PPP1R9A: variants seen among roughly 807,000 people sequenced by gnomAD.
PPP1R9A encodes neurabin-1.
Under a neutral mutation model 141.9 loss-of-function variants are expected in PPP1R9A, and 59 were observed. The ratio of observed to expected loss-of-function variants is 0.42; its 90% confidence interval spans 0.34 to 0.52. The LOEUF is 0.52. PPP1R9A is among the 20% of genes least tolerant of loss of function. The pLI is 0.10. For synonymous variants in PPP1R9A, 500 were observed against 569.7 expected (o/e 0.88, Z 1.74); for missense variants, 1,444 against 1,611.9 (o/e 0.90, Z 1.78).
intron 13 of PPP1R9A, 62 bp from the exon 14 acceptor site, chr7:95,269,145 A>G (rs984964026): frequency 1.1e-5 from 16 of 1,415,532 alleles, no homozygotes; most frequent in Non-Finnish European, 1.5e-5. Context: ...ATTTCAAAGT[A>G]AGTATTGCAT....
chr7:95,055,641 G>C (rs1457483713), intron 2 of PPP1R9A, among the ~76,000 whole-genome samples: 2 of 152,008 alleles, frequency 1.3e-5, no homozygotes, highest in South Asian at 4.2e-4. Context: ...ATATTTTTAA[G>C]CCTAGCCTTT....
chr7:94,930,553 A>G (rs1405703831), intron 2 of PPP1R9A, among the ~76,000 whole-genome samples: 2 of 152,080 alleles, frequency 1.3e-5, no homozygotes, highest in African/African-American at 4.8e-5. Flanking sequence ...TGGTCAGGCC[A>G]GTCTCCAACT....
At chr7:95,112,542 GC>G (rs1363638906) in intron 3 of PPP1R9A, among the ~76,000 whole-genome samples, 1 of 151,768 alleles carries the variant, frequency 6.6e-6, no homozygotes. Flanking sequence ...ATTTGACCAA[GC>G]ACTCCCACTA....
intron 14 of PPP1R9A, among the ~76,000 whole-genome samples, chr7:95,269,787 A>C (rs544878314): frequency 6.6e-6 from 1 of 152,204 alleles, no homozygotes; most frequent in Non-Finnish European, 1.5e-5. Flanking sequence ...GAGTTTCAAC[A>C]AACACTAACA....
intron 5 of PPP1R9A, among the ~76,000 whole-genome samples, chr7:95,179,717 T>C (rs1284957452): frequency 7.0e-6 from 1 of 142,948 alleles, no homozygotes; most frequent in African/African-American, 2.6e-5. Context: ...ATCTCTTCTA[T>C]ATACCAGTAG....
intron 2 of PPP1R9A, among the ~76,000 whole-genome samples, chr7:94,917,730 C>T (rs1413618779): frequency 6.6e-6 from 1 of 152,064 alleles, no homozygotes; most frequent in African/African-American, 2.4e-5. Flanking sequence ...TTGGATCATA[C>T]ATACTTTGTG....
intron 7 of PPP1R9A, among the ~76,000 whole-genome samples, chr7:95,212,513 T>A (rs1792344099): frequency 6.6e-6 from 1 of 152,184 alleles, no homozygotes; most frequent in South Asian, 2.1e-4. Flanking sequence ...ATTTATTATT[T>A]GTATGAGCCC....
chr7:95,032,357 A>T (rs1807807888), intron 2 of PPP1R9A, among the ~76,000 whole-genome samples: 1 of 152,168 alleles, frequency 6.6e-6, no homozygotes, highest in African/African-American at 2.4e-5. Flanking sequence ...ACTAAGACAT[A>T]ATCTTTTTTT....
At chr7:94,973,141 T>C (rs1293326226) in intron 2 of PPP1R9A, among the ~76,000 whole-genome samples, 1 of 152,188 alleles carries the variant, frequency 6.6e-6, no homozygotes, top group African/African-American at 2.4e-5. Flanking sequence ...GTCCCTTGTC[T>C]TAAATACTGT....
chr7:94,942,996 A>G (rs1293809502), intron 2 of PPP1R9A, among the ~76,000 whole-genome samples: 2 of 152,106 alleles, frequency 1.3e-5, no homozygotes. Context: ...AGTGTTTGCT[A>G]CAATGATTCT....
intron 2 of PPP1R9A, among the ~76,000 whole-genome samples, chr7:95,093,586 CA>C (rs1817635559): frequency 6.6e-6 from 1 of 151,948 alleles, no homozygotes. Flanking sequence ...TTAAAATGAT[CA>C]AAAAATGGAA....
chr7:95,287,413 G>T (rs949844378), intron 18 of PPP1R9A, among the ~76,000 whole-genome samples: 1 of 151,958 alleles, frequency 6.6e-6, no homozygotes, highest in Non-Finnish European at 1.5e-5. Context: ...CCTCTCCTTT[G>T]CCTTCATCTC....
At chr7:95,286,421 T>C in intron 18 of PPP1R9A, 96 bp downstream of exon 18, 1 of 1,532,164 alleles carries the variant, frequency 6.5e-7, no homozygotes, top group Non-Finnish European at 8.8e-7. Flanking sequence ...AGATATTGCA[T>C]AGAAATCATC....
chr7:95,045,037 A>T (rs1215757176), intron 2 of PPP1R9A, among the ~76,000 whole-genome samples: 3 of 152,142 alleles, frequency 2.0e-5, no homozygotes, highest in Non-Finnish European at 4.4e-5. Flanking sequence ...TTTTGTCCTT[A>T]GAAAATTAGG....
At chr7:95,184,195 T>C (rs542234916) in intron 5 of PPP1R9A, among the ~76,000 whole-genome samples, 4 of 152,272 alleles carry the variant, frequency 2.6e-5, no homozygotes, top group Admixed American at 2.6e-4. Context: ...AGCTATCAAA[T>C]TCAGAGAAAA....
At chr7:95,075,149 A>G (rs1003027442) in intron 2 of PPP1R9A, among the ~76,000 whole-genome samples, 6 of 152,068 alleles carry the variant, frequency 3.9e-5, no homozygotes, top group East Asian at 1.9e-4. Context: ...CTCTTCCTTT[A>G]TAGTCATATA....
chr7:95,268,037 G>C (rs1230489649), intron 12 of PPP1R9A, among the ~76,000 whole-genome samples: 2 of 152,094 alleles, frequency 1.3e-5, no homozygotes, highest in Non-Finnish European at 2.9e-5. Flanking sequence ...GTTTTGGGTT[G>C]AAAATTATAT....
At chr7:95,214,653 T>C (rs574393455) in intron 7 of PPP1R9A, among the ~76,000 whole-genome samples, 16 of 151,428 alleles carry the variant, frequency 1.1e-4, no homozygotes, top group Middle Eastern at 3.4e-3. Context: ...AGCAAGGTCA[T>C]TGGGGTCATT....
At chr7:95,099,913 A>G (rs1351301596) in intron 2 of PPP1R9A, among the ~76,000 whole-genome samples, 1 of 152,174 alleles carries the variant, frequency 6.6e-6, no homozygotes, top group African/African-American at 2.4e-5. Context: ...AAGAGACTTA[A>G]TCTTATTTCA....
Sources: gnomAD v4.1 joint callset for allele counts (sites outside exome capture counted in the v4.1 genomes callset) on GRCh38, gnomAD v4.1.1 for gene constraint, MANE v1.5 for transcripts, NCBI Gene and HGNC (gene_info 2026-07-23, HGNC 2026-07-21) for gene names.